The following CNOT2 variants were observed in gnomAD, a reference collection of about 807,000 sequenced individuals.
CNOT2 encodes CC chemokine receptor 4-negative regulator of transcription 2.
In CNOT2, 7 loss-of-function variants were observed where a neutral mutation model predicts 72.1. That is an observed-to-expected ratio of 0.10 (90% confidence interval 0.06 to 0.18). The LOEUF (loss-of-function observed/expected upper bound fraction) is 0.18, where lower values mean the gene tolerates loss of function less well. Ranked by LOEUF, CNOT2 falls within the 10% of genes least tolerant of loss-of-function variation. The pLI is 1.00. For missense variants in CNOT2, 345 were observed against 660.3 expected, an observed-to-expected ratio of 0.52 and a Z score of 5.23; for synonymous variants, 196 against 225.6, an observed-to-expected ratio of 0.87 and a Z score of 1.17.
At chr12:70,307,692 T>C (rs576200320) in intron 2 of CNOT2, 25 of 152,324 alleles carry the variant, frequency 1.6e-4, no homozygotes, top group African/African-American at 6.0e-4. Context: ...CTAATTTCTC[T>C]TTCAGGGAGA....
At chr12:70,262,924 C>T (rs192823853) in intron 1 of CNOT2, among the ~76,000 whole-genome samples, 12 of 152,234 alleles carry the variant, frequency 7.9e-5, no homozygotes, top group East Asian at 3.9e-4. Flanking sequence ...CTGTCTACCT[C>T]GGCCTCTCAA....
At chr12:70,302,944 T>C (rs1288599220) in intron 2 of CNOT2, among the ~76,000 whole-genome samples, 1 of 152,242 alleles carries the variant, frequency 6.6e-6, no homozygotes, top group African/African-American at 2.4e-5. Flanking sequence ...TTCTTCTTGT[T>C]GAATTGATCC....
At chr12:70,286,307 G>A (rs1870887827) in intron 2 of CNOT2, among the ~76,000 whole-genome samples, 1 of 149,070 alleles carries the variant, frequency 6.7e-6, no homozygotes, top group Non-Finnish European at 1.5e-5. Context: ...GATAATTTCA[G>A]AATTAAAATT....
chr12:70,259,325 A>C (rs1033788802), intron 1 of CNOT2, among the ~76,000 whole-genome samples: 2 of 147,862 alleles, frequency 1.4e-5, no homozygotes, highest in African/African-American at 5.1e-5. Flanking sequence ...ATTTTTTTTT[A>C]ATATCCATAG....
At chr12:70,261,349 C>T (rs193253255) in intron 1 of CNOT2, among the ~76,000 whole-genome samples, 125 of 49,460 alleles carry the variant, frequency 2.5e-3, no homozygotes, top group African/African-American at 9.7e-3. Flanking sequence ...GAGTCTTGTT[C>T]TGTTGCCCAG....
intron 7 of CNOT2, 93 bp from the exon 8 acceptor site, chr12:70,335,345 C>T (rs749026769): frequency 5.3e-5 from 48 of 901,966 alleles, no homozygotes; most frequent in South Asian, 4.3e-4. Context: ...AGGAAGAAGG[C>T]GCAATCATTT....
chr12:70,258,543 C>T (rs1031796934), intron 1 of CNOT2, among the ~76,000 whole-genome samples: 1 of 152,150 alleles, frequency 6.6e-6, no homozygotes, highest in African/African-American at 2.4e-5. Flanking sequence ...TTTTATGTTA[C>T]TCATTCATTA....
intron 11 of CNOT2, among the ~76,000 whole-genome samples, chr12:70,340,391 C>T (rs577658063): frequency 3.3e-5 from 5 of 152,236 alleles, no homozygotes; most frequent in African/African-American, 1.2e-4. Flanking sequence ...GCATTTACAT[C>T]CTTGATGATC....
At chr12:70,275,354 T>C (rs896694889) in intron 1 of CNOT2, among the ~76,000 whole-genome samples, 1 of 152,088 alleles carries the variant, frequency 6.6e-6, no homozygotes, top group African/African-American at 2.4e-5. Flanking sequence ...TTTGTTATTC[T>C]CTTTAGAGGT....
chr12:70,275,826 A>G (rs954680847), intron 1 of CNOT2, among the ~76,000 whole-genome samples: 9 of 152,206 alleles, frequency 5.9e-5, no homozygotes, highest in African/African-American at 1.7e-4. Context: ...CATTTCCAAT[A>G]TGAAGGTTAT....
chr12:70,350,491 G>C (rs1882736678), intron 15 of CNOT2, among the ~76,000 whole-genome samples: 1 of 152,092 alleles, frequency 6.6e-6, no homozygotes, highest in Non-Finnish European at 1.5e-5. Flanking sequence ...TATTATACAG[G>C]TTGAGCATTC....
rs901970788 is a variant in CNOT2, at chr12:70,291,977, C to T, written c.48+13703C>T. 3.9e-5 allele frequency among the ~76,000 whole-genome samples: 6 copies of T among 152,050 alleles called. No homozygotes were observed. In the South Asian group the frequency reaches 1.0e-3, roughly 26 times the overall value. On this transcript the variant is annotated intron_variant, in intron 2 of 15. Coordinates refer to ENST00000229195, the MANE Select transcript of CNOT2 (RefSeq NM_014515.7). Reference sequence around the variant, plus strand: ...AACAACACCACGGTAATAGATACTGCGAGCAATATTCACGGATGAATGCTA... The same window carrying T: ...AACAACACCACGGTAATAGATACTGTGAGCAATATTCACGGATGAATGCTA...
intron 2 of CNOT2, among the ~76,000 whole-genome samples, chr12:70,301,208 T>C (rs1434898601): frequency 2.0e-5 from 3 of 152,172 alleles, no homozygotes; most frequent in Non-Finnish European, 4.4e-5. Flanking sequence ...TGAATGCCCT[T>C]TATTTCCTTC....
chr12:70,265,164 T>G (rs1958960575), intron 1 of CNOT2, among the ~76,000 whole-genome samples: 1 of 152,166 alleles, frequency 6.6e-6, no homozygotes, highest in South Asian at 2.1e-4. Context: ...ATGACTTAAG[T>G]GTTTTGTGTC....
chr12:70,283,647 TA>T (rs34501610), intron 2 of CNOT2, among the ~76,000 whole-genome samples: 5,675 of 122,852 alleles, frequency 0.046, 241 homozygotes, highest in African/African-American at 0.12. Context: ...AGAATGAGTT[TA>T]AAAAAAAAAA....
intron 15 of CNOT2, among the ~76,000 whole-genome samples, chr12:70,349,538 T>A (rs1882612687): frequency 6.6e-6 from 1 of 152,172 alleles, no homozygotes; most frequent in Non-Finnish European, 1.5e-5. Flanking sequence ...TGTATGAGCA[T>A]TTTTCCCCAA....
chr12:70,267,054 T>G (rs531143248), intron 1 of CNOT2, among the ~76,000 whole-genome samples: 168 of 152,280 alleles, frequency 1.1e-3, no homozygotes, highest in Non-Finnish European at 9.4e-4. Context: ...CTTATTGAGT[T>G]TTTTAGTATA....
intron 1 of CNOT2, among the ~76,000 whole-genome samples, chr12:70,270,408 C>T (rs1959190639): frequency 6.6e-6 from 1 of 152,046 alleles, no homozygotes; most frequent in Admixed American, 6.6e-5. Context: ...TGAAACAACA[C>T]ATATTGAGGT....
chr12:70,250,415 T>C (rs1214694271), intron 1 of CNOT2, among the ~76,000 whole-genome samples: 1 of 152,140 alleles, frequency 6.6e-6, no homozygotes, highest in Non-Finnish European at 1.5e-5. Flanking sequence ...CTCTAGATGT[T>C]TTCAAGTAAA....
Sources: gnomAD v4.1 joint callset for allele counts (sites outside exome capture counted in the v4.1 genomes callset) on GRCh38, gnomAD v4.1.1 for gene constraint, MANE v1.5 for transcripts, NCBI Gene and HGNC (gene_info 2026-07-23, HGNC 2026-07-21) for gene names.